The following NRXN1 variants were observed in gnomAD, a reference collection of about 807,000 sequenced individuals.
NRXN1 encodes the protein neurexin 1.
NRXN1 carries 39 observed loss-of-function variants against 150.9 expected under a neutral mutation model. The observed-to-expected ratio is 0.26, with a 90% CI of 0.20 to 0.34. The LOEUF (loss-of-function observed/expected upper bound fraction) is 0.34. NRXN1 is among the 10% of genes least tolerant of loss of function. The probability of loss-of-function intolerance (pLI) is 1.00; values close to 1 mark genes in which losing one functional copy is unlikely to be tolerated. For missense variants in NRXN1, 1,815 were observed against 1,949.9 expected, an observed-to-expected ratio of 0.93 and a Z score of 1.30; for synonymous variants, 924 against 757.0, an observed-to-expected ratio of 1.22 and a Z score of -3.62.
At chr2:50,894,106 G>A (rs1350668242) in intron 5 of NRXN1, among the ~76,000 whole-genome samples, 1 of 151,906 alleles carries the variant, frequency 6.6e-6, no homozygotes, top group African/African-American at 2.4e-5. Flanking sequence ...GGGGGAGGGG[G>A]AAGGGATAGC....
intron 2 of NRXN1, among the ~76,000 whole-genome samples, chr2:50,967,706 T>C (rs1575080189): frequency 6.6e-6 from 1 of 151,988 alleles, no homozygotes; most frequent in African/African-American, 2.4e-5. Context: ...AGTTTTGCAA[T>C]TAACAGTGTT....
intron 17 of NRXN1, among the ~76,000 whole-genome samples, chr2:50,301,400 A>G (rs2074136557): frequency 6.6e-6 from 1 of 152,232 alleles, no homozygotes; most frequent in Non-Finnish European, 1.5e-5. Context: ...ATCTGACTCC[A>G]GAGTCCATAT....
rs201837579 is a variant in NRXN1 at position 50,552,658 on chromosome 2, A to G, written c.1688T>C (p.Ile563Thr). 1.1e-4 allele frequency: 172 copies of G among 1,613,892 alleles called. No homozygotes were observed. The Admixed American group carries it at 2.8e-3, about 26-fold the overall frequency. Residue 563 changes from isoleucine to threonine, a missense_variant, in exon 9 of 23, where the codon ATA becomes ACA. Physicochemically the swap from Ile to Thr is moderately conservative, Grantham distance 89 (BLOSUM62 -1). Coordinates refer to ENST00000401669, the MANE Select transcript of NRXN1 (RefSeq NM_001330078.2). ...ATTCACTTTCTTCAACAGGGCTTTT[A>G]TTTTTATAGTACCTGACCCCATGTC... ...LLDMGSGTIK[I>T]KALLKKVNDG... is the part of the protein sequence containing the mutation.
intron 16 of NRXN1, chr2:50,466,431 G>T (rs767587733): frequency 1.3e-5 from 6 of 469,842 alleles, no homozygotes; most frequent in Non-Finnish European, 2.6e-5. Context: ...TGGGGTTTCA[G>T]TCTTGTTATA....
chr2:50,001,582 G>C (rs1042710318), intron 21 of NRXN1, among the ~76,000 whole-genome samples: 1 of 152,044 alleles, frequency 6.6e-6, no homozygotes, highest in Non-Finnish European at 1.5e-5. Context: ...CTTTGGATGA[G>C]TAACTTAAAT....
intron 17 of NRXN1, among the ~76,000 whole-genome samples, chr2:50,435,205 T>A (rs1407192394): frequency 6.6e-6 from 1 of 152,166 alleles, no homozygotes; most frequent in East Asian, 1.9e-4. Flanking sequence ...GGGTTCAAGT[T>A]CCACATCTGC....
At chr2:50,148,499 A>G (rs1184952568) in intron 18 of NRXN1, among the ~76,000 whole-genome samples, 1 of 151,676 alleles carries the variant, frequency 6.6e-6, no homozygotes, top group African/African-American at 2.4e-5. Flanking sequence ...CAAATTGCTC[A>G]TGTCATCAAT....
At chr2:50,781,853 T>C (rs1704395742) in intron 5 of NRXN1, among the ~76,000 whole-genome samples, 1 of 152,202 alleles carries the variant, frequency 6.6e-6, no homozygotes. Flanking sequence ...TTATTCAGCA[T>C]GCTTCAGTTC....
chr2:50,066,710 G>GA (rs888930626), intron 19 of NRXN1, among the ~76,000 whole-genome samples: 1 of 151,958 alleles, frequency 6.6e-6, no homozygotes, highest in Non-Finnish European at 1.5e-5. Context: ...TGAAAAAAAA[G>GA]AAAAAACTCT....
In NRXN1 at chr2:50,844,470, T is replaced by C. The variant is rs181691176; in HGVS notation, c.832+77399A>G. The stretch of plus-strand genomic sequence containing the variant: ...TGCCAGTATTTAGATATATCATGCC[T>C]TGAAAATGGACCATTGAAATTATAT... On this transcript the variant is annotated intron_variant, in intron 5 of 22. Coordinates refer to ENST00000401669, the MANE Select transcript of NRXN1 (RefSeq NM_001330078.2). Among the ~76,000 whole-genome samples the C allele has an allele frequency of 2.0e-3, 311 of 152,318 alleles. 1 individual carries two copies. Among genetic ancestry groups the C allele is most frequent in the African/African-American group, 7.3e-3 (303 of 41,566 alleles).
chr2:50,603,090 C>T (rs541671040), intron 8 of NRXN1, among the ~76,000 whole-genome samples: 1 of 152,284 alleles, frequency 6.6e-6, no homozygotes, highest in East Asian at 1.9e-4. Flanking sequence ...GAGAATCAAA[C>T]AATTATTTAA....
At chr2:50,488,628 A>T (rs757374012) in intron 15 of NRXN1, among the ~76,000 whole-genome samples, 14 of 152,118 alleles carry the variant, frequency 9.2e-5, no homozygotes, top group Non-Finnish European at 1.8e-4. Context: ...GGTTCCTGTA[A>T]TGCTACATCC....
At chr2:50,027,833 C>G (rs1055557209) in intron 21 of NRXN1, among the ~76,000 whole-genome samples, 1 of 152,142 alleles carries the variant, frequency 6.6e-6, no homozygotes, top group South Asian at 2.1e-4. Flanking sequence ...TGCTTGCCAC[C>G]TAGAATATCT....
chr2:50,951,415 G>A (rs1691316241), intron 2 of NRXN1, among the ~76,000 whole-genome samples: 1 of 152,142 alleles, frequency 6.6e-6, no homozygotes, highest in African/African-American at 2.4e-5. Context: ...ATACCCAACT[G>A]GATGAATAAC....
intron 17 of NRXN1, among the ~76,000 whole-genome samples, chr2:50,305,124 G>C (rs546922550): frequency 2.0e-5 from 3 of 152,190 alleles, no homozygotes; most frequent in African/African-American, 7.2e-5. Flanking sequence ...GTACTCACTA[G>C]TTTATTAACT....
intron 5 of NRXN1, among the ~76,000 whole-genome samples, chr2:50,714,189 G>A (rs926110864): frequency 6.6e-6 from 1 of 152,084 alleles, no homozygotes; most frequent in Non-Finnish European, 1.5e-5. Context: ...TTTAGTCAAG[G>A]TTAACTAACT....
intron 17 of NRXN1, among the ~76,000 whole-genome samples, chr2:50,425,641 T>C (rs888500421): frequency 6.6e-6 from 1 of 152,202 alleles, no homozygotes; most frequent in South Asian, 2.1e-4. Flanking sequence ...ATGCTTTCTA[T>C]TCTAGGATTT....
intron 13 of NRXN1, among the ~76,000 whole-genome samples, chr2:50,505,405 T>C (rs570982023): frequency 6.6e-6 from 1 of 152,304 alleles, no homozygotes. Flanking sequence ...TTTTAAAATG[T>C]TCTGTTGTAG....
chr2:50,845,934 C>T (rs995665971), intron 5 of NRXN1, among the ~76,000 whole-genome samples: 6 of 152,134 alleles, frequency 3.9e-5, no homozygotes, highest in African/African-American at 1.4e-4. Context: ...AATAGCACAG[C>T]CCATGAATTT....
Sources: allele counts gnomAD v4.1 joint callset (sites outside exome capture counted in the v4.1 genomes callset), GRCh38; gene constraint gnomAD v4.1.1; transcripts MANE v1.5; gene names NCBI Gene and HGNC (gene_info 2026-07-23, HGNC 2026-07-21).